NOX5: variants seen among roughly 807,000 people sequenced by gnomAD.
NOX5 encodes NADPH oxidase 5.
NOX5 carries 76 observed loss-of-function variants against 85.7 expected under a neutral mutation model. The ratio of observed to expected loss-of-function variants is 0.89; its 90% CI spans 0.74 to 1.07. The LOEUF (loss-of-function observed/expected upper bound fraction) is 1.07. Among genes scored for constraint, NOX5 ranks in the 50% least tolerant of loss-of-function variants. The probability of loss-of-function intolerance (pLI) is 0.00; values close to 1 mark genes in which losing one functional copy is unlikely to be tolerated. For missense variants in NOX5, 973 were observed against 999.5 expected, an observed-to-expected ratio of 0.97 and a Z score of 0.36; for synonymous variants, 405 against 401.4, an observed-to-expected ratio of 1.01 and a Z score of -0.11.
At chr15:69,047,354 T>C in intron 11 of NOX5, 59 bp from the exon 12 acceptor site, 2 of 1,498,964 alleles carry the variant, frequency 1.3e-6, no homozygotes, top group East Asian at 4.8e-5. Flanking sequence ...CATCCCCTGG[T>C]AGCAGGGGAG....
At position 69,059,039 on chromosome 15, in the gene NOX5, C is replaced by T. The variant is rs1001618968; in HGVS notation, c.*2343C>T. ...CTACACCGCCTTAACACATTTGAGCCCTGCCCTCAGTCCTTTGCCCTCTCG... is the reference window on the plus strand; with the variant it reads ...CTACACCGCCTTAACACATTTGAGCTCTGCCCTCAGTCCTTTGCCCTCTCG... On this transcript the variant is annotated 3_prime_UTR_variant, in exon 16 of 16. Coordinates refer to ENST00000388866, the MANE Select transcript of NOX5 (RefSeq NM_024505.4). 1.2e-4 allele frequency: 19 copies of T among 152,240 alleles called. No homozygotes were observed. Among genetic ancestry groups the T allele is most frequent in the African/African-American group, 4.1e-4 (17 of 41,446 alleles). The allele number at this position is 152,240 out of a possible 1,614,324, so 9.4% of individuals were successfully genotyped here. A position where few individuals can be genotyped will look rare whatever the true frequency, so the allele number is the denominator to read the frequency against.
intron 14 of NOX5, among the ~76,000 whole-genome samples, chr15:69,054,812 G>A (rs1056975103): frequency 1.5e-4 from 23 of 152,200 alleles, no homozygotes; most frequent in African/African-American, 5.1e-4. Flanking sequence ...TCATGTGTGT[G>A]TGGCTTGTGT....
intron 10 of NOX5, among the ~76,000 whole-genome samples, chr15:69,045,543 T>TCTTTCTTTCTTTCTTTCTTC (rs1491251016): frequency 3.1e-5 from 4 of 127,234 alleles, no homozygotes; most frequent in Non-Finnish European, 6.4e-5. Context: ...CTTTTTTCTT[T>TCTTTCTTTCTTTCTTTCTTC]CTTTCTTTCT....
At chr15:69,049,595 G>A (rs989726367) in intron 14 of NOX5, among the ~76,000 whole-genome samples, 2 of 151,760 alleles carry the variant, frequency 1.3e-5, no homozygotes, top group African/African-American at 4.8e-5. Context: ...TCCAATTTTT[G>A]TTTTCTTATT....
At position 69,033,237 on chromosome 15, in the gene NOX5, G is replaced by T; in HGVS notation, c.815G>T (p.Gly272Val). ...DLGASVMVAK[G>V]CGQCLNFDCS... ...GGCGCCAGCGTCATGGTGGCCAAGG[G>T]CTGCGGCCAGTGCCTCAACTTCGAC... Residue 272 changes from glycine to valine, a missense_variant, in exon 5 of 16, where the codon GGC (glycine) becomes GTC (valine). Coordinates refer to ENST00000388866, the MANE Select transcript of NOX5 (RefSeq NM_024505.4). 1.3e-6 allele frequency: 2 copies of T among 1,598,122 alleles called. No individual in the cohort carries two copies. The highest frequency in any genetic ancestry group is 2.2e-5 in the South Asian group (2 of 90,496).
intron 13 of NOX5, among the ~76,000 whole-genome samples, 161 bp downstream of exon 13, chr15:69,048,072 C>G (rs1348935957): frequency 6.6e-6 from 1 of 152,226 alleles, no homozygotes; most frequent in Admixed American, 6.5e-5. Flanking sequence ...TGAGTTATCC[C>G]GGTGCCTCCT....
chr15:69,038,423 G>T (rs1439214023), intron 8 of NOX5: 1 of 238,454 alleles, frequency 4.2e-6, no homozygotes, highest in Non-Finnish European at 8.1e-6. Context: ...GAGGCCTAGA[G>T]ATAACACAGT....
chr15:69,037,495 T>C, intron 8 of NOX5: 1 of 396,052 alleles, frequency 2.5e-6, no homozygotes. Flanking sequence ...GCCTACAGGG[T>C]GCCAGGCCCT....
In NOX5 at chr15:69,047,520, G is replaced by A; in HGVS notation, c.1800G>A (p.Leu600=). Reference sequence around the variant, plus strand: ...GCATCACCCCCTTTGCTTCCATTCTGCAGAGTATCATGTACAGGTGGGTGA... The same window carrying A: ...GCATCACCCCCTTTGCTTCCATTCTACAGAGTATCATGTACAGGTGGGTGA... ...GIGITPFASI[L]QSIMYRHQKR... The change falls in exon 12 of 16, where the codon CTG becomes CTA. Residue 600 remains leucine, a synonymous_variant. Coordinates refer to ENST00000388866, the MANE Select transcript of NOX5 (RefSeq NM_024505.4). 3.1e-6 allele frequency: 5 copies of A among 1,613,890 alleles called. No homozygotes were observed. The highest frequency in any genetic ancestry group is 4.2e-6 in the Non-Finnish European group (5 of 1,179,928).
Position 69,047,918 on chromosome 15 carries a change from A to G in NOX5, c.1899+7A>G, listed in dbSNP as rs34576567. On this transcript the variant is annotated splice_region_variant and intron_variant, in intron 13 of 15. Transcript: ENST00000388866. ...CAACATGAAGCTCCATAAGGTGAGT[A>G]CCACCTCCTGCAGGCAGGCCTCCAG... 4,841 of 1,613,264 alleles carry G rather than the reference A, an allele frequency of 3.0e-3. 13 individuals carry two copies. The highest frequency in any genetic ancestry group is 7.8e-3 in the Middle Eastern group (47 of 6,062).
intron 14 of NOX5, 134 bp downstream of exon 14, chr15:69,049,192 C>CTT (rs34467340): frequency 8.4e-4 from 245 of 292,314 alleles, no homozygotes; most frequent in South Asian, 1.4e-3. Context: ...AACCCAGAGT[C>CTT]TTTTTTTTTT....
intron 14 of NOX5, among the ~76,000 whole-genome samples, chr15:69,053,243 A>T (rs1163496026): frequency 6.6e-6 from 1 of 152,220 alleles, no homozygotes; most frequent in Non-Finnish European, 1.5e-5. Context: ...CATATTATTT[A>T]ACTAGTTTGC....
chr15:69,027,815 C>T (rs2050377049), intron 2 of NOX5, among the ~76,000 whole-genome samples: 1 of 152,200 alleles, frequency 6.6e-6, no homozygotes. Context: ...ATCCCTTGCG[C>T]TCACCCCAAG....
At chr15:69,019,173 T>C in intron 1 of NOX5, among the ~76,000 whole-genome samples, 1 of 152,190 alleles carries the variant, frequency 6.6e-6, no homozygotes, top group East Asian at 1.9e-4. Flanking sequence ...TTGCTTGCTT[T>C]TTAATTGTCA....
chr15:69,055,779 T>A (rs2050805101), intron 15 of NOX5, among the ~76,000 whole-genome samples: 1 of 152,212 alleles, frequency 6.6e-6, no homozygotes, highest in African/African-American at 2.4e-5. Flanking sequence ...TATGGACCAG[T>A]GTCAAAAGGC....
chr15:69,039,106 C>A, intron 9 of NOX5, 117 bp downstream of exon 9: 1 of 1,173,130 alleles, frequency 8.5e-7, no homozygotes, highest in Non-Finnish European at 1.2e-6. Context: ...ACAAAGTCAG[C>A]CTCAAAAAGC....
chr15:69,032,924 A>G, intron 4 of NOX5, 119 bp from the exon 5 acceptor site: 1 of 1,384,574 alleles, frequency 7.2e-7, no homozygotes, highest in Non-Finnish European at 9.6e-7. Context: ...CCTGGTGTGA[A>G]GAAAGCCGGC....
chr15:69,039,602 T>C (rs2050569231), intron 9 of NOX5, among the ~76,000 whole-genome samples: 1 of 151,984 alleles, frequency 6.6e-6, no homozygotes, highest in African/African-American at 2.4e-5. Context: ...GGAGAGGATA[T>C]AGGCATTTTT....
At chr15:69,054,009 C>T (rs2050780244) in intron 14 of NOX5, among the ~76,000 whole-genome samples, 1 of 152,124 alleles carries the variant, frequency 6.6e-6, no homozygotes, top group African/African-American at 2.4e-5. Context: ...ACTTAGGAAA[C>T]AATAGAGAGC....
Sources: allele counts gnomAD v4.1 joint callset (sites outside exome capture counted in the v4.1 genomes callset), GRCh38; gene constraint gnomAD v4.1.1; transcripts MANE v1.5; gene names NCBI Gene and HGNC (gene_info 2026-07-23, HGNC 2026-07-21).